VPS35L: variants seen among roughly 807,000 people sequenced by gnomAD.
The protein encoded by VPS35L is VPS35 endosomal protein-sorting factor-like.
A neutral mutation model predicts 133.0 loss-of-function variants in VPS35L; 83 were observed. The ratio of observed to expected loss-of-function variants is 0.62; its 90% CI spans 0.52 to 0.75. The LOEUF is 0.75. Ranked by LOEUF, VPS35L falls within the 30% of genes least tolerant of loss-of-function variation. The probability of loss-of-function intolerance (pLI) is 0.00; values close to 1 mark genes in which losing one functional copy is unlikely to be tolerated. For missense variants in VPS35L, 1,083 were observed against 1,206.8 expected (o/e 0.90, Z 1.52); for synonymous variants, 423 against 449.9 (o/e 0.94, Z 0.76).
At chr16:19,602,677 G>A (rs776532237) in intron 9 of VPS35L, among the ~76,000 whole-genome samples, 4 of 151,894 alleles carry the variant, frequency 2.6e-5, no homozygotes, top group Admixed American at 6.6e-5. Context: ...ATCTTGGCTC[G>A]CTGCAGCCTT....
intron 8 of VPS35L, among the ~76,000 whole-genome samples, chr16:19,598,950 T>A (rs1200459283): frequency 6.6e-6 from 1 of 152,100 alleles, no homozygotes; most frequent in East Asian, 1.9e-4. Context: ...CCTAGTGTGG[T>A]TTGCTGTGTG....
chr16:19,609,018 A>G lies in VPS35L; in HGVS notation c.926A>G (p.Lys309Arg), dbSNP rs549103764. ...SILKCNKFLS[K>R]TGISECLPRL... ...CTGAAATGTAACAAATTCCTCTCCAAAACGTAAGGCTCTTCGGTAAAATCT... is the reference window on the plus strand; with the variant it reads ...CTGAAATGTAACAAATTCCTCTCCAGAACGTAAGGCTCTTCGGTAAAATCT... The change falls in exon 11 of 31, where the codon AAA becomes AGA. Residue 309 changes from lysine (K) to arginine (R), a missense_variant. Physicochemically the swap from Lys to Arg is conservative, Grantham distance 26. Transcript: ENST00000417362. 60 of 1,613,568 alleles carry G rather than the reference A, an allele frequency of 3.7e-5. No individual in the cohort carries two copies. The South Asian group carries it at 4.8e-4, about 13-fold the overall frequency.
At chr16:19,652,216 A>T in intron 26 of VPS35L, 126 bp downstream of exon 26, 3 of 723,502 alleles carry the variant, frequency 4.1e-6, no homozygotes, top group Non-Finnish European at 7.1e-6. Context: ...TCACTCTGTC[A>T]CCCAGGCTGG....
At chr16:19,592,730 G>A (rs28611034) in intron 8 of VPS35L, among the ~76,000 whole-genome samples, 6,542 of 149,222 alleles carry the variant, frequency 0.044, 489 homozygotes, top group African/African-American at 0.15. Flanking sequence ...CTGTCACTCA[G>A]GCTAGAGTAC....
rs923047623 is a variant in VPS35L, at chr16:19,633,084, C to T, written c.1555-8C>T. 13 of 1,613,508 alleles carry T rather than the reference C, an allele frequency of 8.1e-6. No homozygotes were observed. The highest frequency in any genetic ancestry group is 6.7e-5 in the East Asian group (3 of 44,898). On this transcript the variant is annotated splice_region_variant and splice_polypyrimidine_tract_variant and intron_variant, in intron 18 of 30. Transcript: ENST00000417362. The surrounding 1 kb of genome is among the most constrained non-coding windows in gnomAD (Gnocchi z 4.1). ...CTAATTCAGGTTTGGTTCCTTTTTC[C>T]TGCTTAGAAACGAGAGGTGAATACC...
intron 15 of VPS35L, among the ~76,000 whole-genome samples, chr16:19,626,687 G>A (rs1452859120): frequency 5.9e-5 from 9 of 152,010 alleles, no homozygotes; most frequent in South Asian, 4.2e-4. Flanking sequence ...GCTTGAACCC[G>A]GGAGGCAGAG....
At chr16:19,652,960 T>C (rs1437128594) in intron 26 of VPS35L, among the ~76,000 whole-genome samples, 1 of 152,130 alleles carries the variant, frequency 6.6e-6, no homozygotes, top group Non-Finnish European at 1.5e-5. Context: ...AGAAGAGTGA[T>C]GTGAGATGAG....
chr16:19,575,080 A>C lies in VPS35L; in HGVS notation c.409-18A>C. Reference sequence around the variant, plus strand: ...GCCTTCGATTTTTAAAATATTAATGAATTTTATGTCTCTGCAGAATCTGTT... The same window carrying C: ...GCCTTCGATTTTTAAAATATTAATGCATTTTATGTCTCTGCAGAATCTGTT... On this transcript the variant is annotated intron_variant, in intron 4 of 30. Coordinates refer to ENST00000417362, the MANE Select transcript of VPS35L (RefSeq NM_020314.7). The C allele has an allele frequency of 3.1e-6, 5 of 1,589,342 alleles. No individual in the cohort carries two copies. The highest frequency in any genetic ancestry group is 4.3e-6 in the Non-Finnish European group (5 of 1,165,142).
At chr16:19,611,250 T>C (rs1972709851) in intron 12 of VPS35L, among the ~76,000 whole-genome samples, 1 of 152,206 alleles carries the variant, frequency 6.6e-6, no homozygotes, top group East Asian at 1.9e-4. Context: ...TCTGCCCACG[T>C]TGGCCTCCCA....
chr16:19,691,096 C>T (rs550976534), intron 28 of VPS35L, among the ~76,000 whole-genome samples: 1 of 152,342 alleles, frequency 6.6e-6, no homozygotes, highest in East Asian at 1.9e-4. Context: ...ATTAATGTCA[C>T]CCCCGCTCCC....
Position 19,626,614 on chromosome 16 carries a change from T to C in VPS35L, c.1271+391T>C, listed in dbSNP as rs576085891. On this transcript the variant is annotated intron_variant, in intron 15 of 30. Coordinates refer to ENST00000417362, the MANE Select transcript of VPS35L (RefSeq NM_020314.7). ...CCATCTCTACTAAAAATACAATAAC[T>C]AGCCGGGCTTGGTGGTGTATGCCTG... Among the ~76,000 whole-genome samples, 83 of 151,888 alleles carry C rather than the reference T, an allele frequency of 5.5e-4. 1 individual carries two copies. The highest frequency in any genetic ancestry group is 1.9e-3 in the Admixed American group (29 of 15,264).
chr16:19,570,879 A>ATTTTT (rs1567388832), intron 3 of VPS35L, among the ~76,000 whole-genome samples: 2 of 57,636 alleles, frequency 3.5e-5, no homozygotes, highest in African/African-American at 1.8e-4. Context: ...ATATATATAT[A>ATTTTT]TATATATATA....
chr16:19,607,255 G>T (rs1972564342), intron 9 of VPS35L, among the ~76,000 whole-genome samples: 1 of 152,178 alleles, frequency 6.6e-6, no homozygotes, highest in African/African-American at 2.4e-5. Flanking sequence ...GGGCCAGCTA[G>T]CCCCTGGTAC....
intron 2 of VPS35L, among the ~76,000 whole-genome samples, chr16:19,566,448 A>C (rs189906794): frequency 6.6e-6 from 1 of 152,198 alleles, no homozygotes; most frequent in Admixed American, 6.5e-5. Flanking sequence ...GTGAGCTAAG[A>C]TCACGCCACT....
chr16:19,662,337 T>C (rs1334001682), intron 26 of VPS35L, among the ~76,000 whole-genome samples: 4 of 146,532 alleles, frequency 2.7e-5, no homozygotes, highest in Non-Finnish European at 6.2e-5. Flanking sequence ...AAATGCCATC[T>C]CTACTAAAAA....
chr16:19,622,959 T>A (rs1438605834), intron 14 of VPS35L, among the ~76,000 whole-genome samples: 1 of 152,144 alleles, frequency 6.6e-6, no homozygotes, highest in Non-Finnish European at 1.5e-5. Context: ...TCAGTGCATC[T>A]TTTTGCTCTG....
At chr16:19,584,290 A>T (rs2151520369) in intron 7 of VPS35L, among the ~76,000 whole-genome samples, 1 of 152,290 alleles carries the variant, frequency 6.6e-6, no homozygotes, top group African/African-American at 2.4e-5. Flanking sequence ...ACTGTTTTCT[A>T]GAATTGTTAC....
At chr16:19,632,972 A>G (rs1233741795) in intron 18 of VPS35L, 120 bp from the exon 19 acceptor site, 8 of 768,700 alleles carry the variant, frequency 1.0e-5, no homozygotes, top group Non-Finnish European at 1.6e-5. Context: ...CAGAATACTG[A>G]AATTGATTTC....
intron 16 of VPS35L, 80 bp downstream of exon 16, chr16:19,627,885 G>A: frequency 8.6e-7 from 1 of 1,161,216 alleles, no homozygotes; most frequent in East Asian, 2.3e-5. Flanking sequence ...GTCCGGTTTT[G>A]GGAACAGCAT....
Sources: gnomAD v4.1 joint callset for allele counts (sites outside exome capture counted in the v4.1 genomes callset) on GRCh38, gnomAD v4.1.1 for gene constraint, Gnocchi (gnomAD v3.1) non-coding constraint, MANE v1.5 for transcripts, NCBI Gene and HGNC (gene_info 2026-07-23, HGNC 2026-07-21) for gene names.